The following TTC8 variants were observed in gnomAD, a reference collection of about 807,000 sequenced individuals.
TTC8 encodes tetratricopeptide repeat domain 8.
A neutral mutation model predicts 72.5 loss-of-function variants in TTC8; 47 were observed. The ratio of observed to expected loss-of-function variants is 0.65; its 90% CI spans 0.51 to 0.83. The LOEUF is 0.83. Ranked by LOEUF, TTC8 falls within the 40% of genes least tolerant of loss-of-function variation. The pLI is 0.00. For synonymous variants in TTC8, 199 were observed against 221.4 expected, an observed-to-expected ratio of 0.90 and a Z score of 0.90; for missense variants, 611 against 623.2, an observed-to-expected ratio of 0.98 and a Z score of 0.21.
At chr14:88,875,817 A>G (rs1280352805) in intron 14 of TTC8, among the ~76,000 whole-genome samples, 4 of 152,128 alleles carry the variant, frequency 2.6e-5, no homozygotes, top group Non-Finnish European at 5.9e-5. Context: ...AATAAAATAA[A>G]CTGTCATTCA....
At chr14:88,826,221 C>G (rs2094699690) in intron 1 of TTC8, among the ~76,000 whole-genome samples, 1 of 151,590 alleles carries the variant, frequency 6.6e-6, no homozygotes. Flanking sequence ...AACTCCTGAC[C>G]TCGTGATCCG....
At chr14:88,866,834 G>A (rs896265591) in intron 10 of TTC8, among the ~76,000 whole-genome samples, 2 of 152,112 alleles carry the variant, frequency 1.3e-5, no homozygotes, top group Non-Finnish European at 2.9e-5. Flanking sequence ...GGAGGGCAGT[G>A]TTCCACCCAA....
chr14:88,858,558 CTAACTT>C (rs2094867943), intron 9 of TTC8, among the ~76,000 whole-genome samples: 1 of 151,846 alleles, frequency 6.6e-6, no homozygotes, highest in African/African-American at 2.4e-5. Flanking sequence ...TATCTGGTAT[CTAACTT>C]TATCTTCTAT....
At chr14:88,876,750 C>T (rs2094958993) in intron 14 of TTC8, among the ~76,000 whole-genome samples, 1 of 152,104 alleles carries the variant, frequency 6.6e-6, no homozygotes, top group South Asian at 2.1e-4. Context: ...ATTTTCCCAA[C>T]ATTATTGTGC....
Position 88,871,476 on chromosome 14 carries a change from AATAT to A in TTC8, c.1050-62_1050-59del. The A allele has an allele frequency of 3.9e-6, 5 of 1,276,062 alleles. No homozygotes were observed. The highest frequency in any genetic ancestry group is 1.3e-5 in the South Asian group (1 of 76,290). 79.0% of individuals were successfully genotyped at this position (1,276,062 alleles called of 1,614,324 possible). Reference sequence around the variant, plus strand: ...GATGAATTCATTTTTAACTGTGTAAAATATATATATATATGTCTTAAAACTTACA... The same window carrying A: ...GATGAATTCATTTTTAACTGTGTAAAATATATATATGTCTTAAAACTTACA... On this transcript the variant is annotated intron_variant, in intron 11 of 14. Coordinates refer to ENST00000380656, the MANE Select transcript of TTC8 (RefSeq NM_144596.4). This position sits in a 1 kb window ranked among gnomAD's most constrained non-coding sequence, Gnocchi z 4.1.
At chr14:88,830,081 T>A (rs1167513916) in intron 1 of TTC8, among the ~76,000 whole-genome samples, 1 of 152,190 alleles carries the variant, frequency 6.6e-6, no homozygotes, top group Admixed American at 6.5e-5. Flanking sequence ...TTAAACTTTT[T>A]CCCCCTTCTT....
intron 7 of TTC8, among the ~76,000 whole-genome samples, chr14:88,849,256 T>C (rs1376749008): frequency 1.3e-5 from 2 of 152,226 alleles, no homozygotes; most frequent in Non-Finnish European, 2.9e-5. Context: ...CACATTATAG[T>C]GATGTTGTGG....
At chr14:88,850,205 A>G (rs1240513827) in intron 7 of TTC8, among the ~76,000 whole-genome samples, 1 of 152,194 alleles carries the variant, frequency 6.6e-6, no homozygotes, top group African/African-American at 2.4e-5. Flanking sequence ...TTAATTATGA[A>G]TCTTATTACT....
chr14:88,843,534 G>A (rs1290960762), intron 6 of TTC8, among the ~76,000 whole-genome samples: 6 of 151,822 alleles, frequency 4.0e-5, no homozygotes, highest in Non-Finnish European at 5.9e-5. Flanking sequence ...TCTGTTTTAC[G>A]ACAATTCTGA....
chr14:88,879,123 T>C (rs963311876), downstream of TTC8: 1 of 152,144 alleles, frequency 6.6e-6, no homozygotes, highest in East Asian at 1.9e-4. Flanking sequence ...TAAGGTGATA[T>C]GGAGGGATTT....
intron 7 of TTC8, 53 bp from the exon 8 acceptor site, chr14:88,852,918 A>G (rs1595959015): frequency 7.0e-7 from 1 of 1,431,084 alleles, no homozygotes; most frequent in East Asian, 2.3e-5. Context: ...TATTTTCCTG[A>G]CTGCTTATTG....
intron 2 of TTC8, among the ~76,000 whole-genome samples, chr14:88,834,824 T>C (rs992964302): frequency 2.0e-5 from 3 of 152,066 alleles, no homozygotes; most frequent in African/African-American, 7.3e-5. Flanking sequence ...TAATTTGCAT[T>C]GTAGAAATGG....
intron 9 of TTC8, among the ~76,000 whole-genome samples, chr14:88,858,305 C>A (rs2094866852): frequency 6.6e-6 from 1 of 151,848 alleles, no homozygotes; most frequent in Admixed American, 6.6e-5. Flanking sequence ...TGACCCTCAC[C>A]AAGGCTACTT....
chr14:88,824,398 G>T (rs757422090), upstream of TTC8, among the ~76,000 whole-genome samples: 1 of 152,168 alleles, frequency 6.6e-6, no homozygotes, highest in South Asian at 2.1e-4. Flanking sequence ...CTGGGAGGGT[G>T]GGGGACCCCA....
chr14:88,832,862 C>T (rs563628007), intron 1 of TTC8, among the ~76,000 whole-genome samples: 4 of 152,186 alleles, frequency 2.6e-5, no homozygotes, highest in East Asian at 1.9e-4. Context: ...GTTTTGTGTT[C>T]GGTTCAGTTG....
intron 2 of TTC8, 128 bp from the exon 3 acceptor site, chr14:88,839,324 A>G (rs2094768546): frequency 2.2e-6 from 2 of 919,610 alleles, no homozygotes; most frequent in Non-Finnish European, 3.2e-6. Context: ...AAATTAAAAT[A>G]ATGTGTTAAG....
At chr14:88,863,907 C>A (rs1328411887) in intron 10 of TTC8, among the ~76,000 whole-genome samples, 1 of 152,188 alleles carries the variant, frequency 6.6e-6, no homozygotes, top group Admixed American at 6.5e-5. Context: ...ATAAAACAAT[C>A]ATCATTTGCA....
chr14:88,843,768 A>T, intron 6 of TTC8, 38 bp from the exon 7 acceptor site: 1 of 1,535,502 alleles, frequency 6.5e-7, no homozygotes. Flanking sequence ...AATTAAAAAA[A>T]AAAATCTAAC....
At chr14:88,846,370 A>G (rs1029573140) in intron 7 of TTC8, among the ~76,000 whole-genome samples, 6 of 152,118 alleles carry the variant, frequency 3.9e-5, no homozygotes, top group African/African-American at 7.2e-5. Context: ...AGACACCTCA[A>G]TGAAGGGGGA....
Sources: allele counts gnomAD v4.1 joint callset (sites outside exome capture counted in the v4.1 genomes callset), GRCh38; gene constraint gnomAD v4.1.1; non-coding constraint Gnocchi (gnomAD v3.1); transcripts MANE v1.5; gene names NCBI Gene and HGNC (gene_info 2026-07-23, HGNC 2026-07-21).